Variants in PRIM1 observed in about 807,000 individuals in gnomAD.
PRIM1 encodes the protein DNA primase subunit 1.
PRIM1 carries 38 observed loss-of-function variants against 60.2 expected under a neutral mutation model. The ratio of observed to expected loss-of-function variants is 0.63; its 90% CI spans 0.49 to 0.83. The LOEUF is 0.83. PRIM1 is among the 40% of genes least tolerant of loss of function. PRIM1 has a pLI of 0.00. For missense variants in PRIM1, 388 were observed against 506.2 expected, an observed-to-expected ratio of 0.77 and a Z score of 2.24; for synonymous variants, 158 against 160.2, an observed-to-expected ratio of 0.99 and a Z score of 0.10.
At chr12:56,743,890 A>G (rs1432747613) in intron 6 of PRIM1, 175 bp downstream of exon 6, 1 of 480,676 alleles carries the variant, frequency 2.1e-6, no homozygotes, top group Non-Finnish European at 3.7e-6. Context: ...GAGCAATGAG[A>G]ACATCTGTAA....
At chr12:56,733,154 C>T (rs971005360) in intron 12 of PRIM1, among the ~76,000 whole-genome samples, 1 of 139,276 alleles carries the variant, frequency 7.2e-6, no homozygotes, top group African/African-American at 2.7e-5. Context: ...CGTGTCCGGC[C>T]TAGGGTTTTT....
intron 11 of PRIM1, among the ~76,000 whole-genome samples, chr12:56,737,088 C>T (rs1473956456): frequency 6.6e-6 from 1 of 151,994 alleles, no homozygotes; most frequent in Non-Finnish European, 1.5e-5. Flanking sequence ...GCATTACCGC[C>T]TGAGCTCTGC....
At position 56,746,030 on chromosome 12, in the gene PRIM1, T is replaced by C. The variant is rs1953904136; in HGVS notation, c.579+15A>G. 4 of 1,589,738 alleles carry C rather than the reference T, an allele frequency of 2.5e-6. No individual in the cohort carries two copies. In the East Asian group the frequency reaches 8.9e-5, roughly 36 times the overall value. ...GAAACTAAAGCAATGCAAATTAGAA[T>C]TAAGAGGATCTTACCTTTACAAGGC... is the stretch of plus-strand genomic sequence containing the variant. On this transcript the variant is annotated intron_variant, in intron 5 of 12. Transcript: ENST00000338193.
rs776561378 is a variant in PRIM1, at chr12:56,741,570, T to C, written c.847A>G (p.Ile283Val). Reference sequence around the variant, plus strand: ...CAGGGTCCATATTTGTCATTTTTGATGTTATTCTAAAAGCAGATACAAGGC... The same window carrying C: ...CAGGGTCCATATTTGTCATTTTTGACGTTATTCTAAAAGCAGATACAAGGC... ...KKVASRYQNN[I>V]KNDKYGPWLE... The change falls in exon 9 of 13, where the codon ATC (isoleucine) becomes GTC (valine). Residue 283 changes from isoleucine (I) to valine (V), a missense_variant. Coordinates refer to ENST00000338193, the MANE Select transcript of PRIM1 (RefSeq NM_000946.3). 1.2e-6 allele frequency: 2 copies of C among 1,610,230 alleles called. No homozygotes were observed. The highest frequency in any genetic ancestry group is 1.7e-5 in the Admixed American group (1 of 59,134).
intron 12 of PRIM1, among the ~76,000 whole-genome samples, chr12:56,733,159 GT>G (rs10714181): frequency 0.08 from 10,127 of 126,926 alleles, 712 homozygotes; most frequent in African/African-American, 0.2. Context: ...CCGGCCTAGG[GT>G]TTTTTTTTTT....
chr12:56,746,667 CACACACACAA>C (rs763870098), intron 4 of PRIM1, 104 bp downstream of exon 4: 11,147 of 817,602 alleles, frequency 0.014, 318 homozygotes, highest in East Asian at 0.034. Context: ...CACACACACA[CACACACACAA>C]ATTAATGAGA....
Position 56,748,596 on chromosome 12 carries a change from C to T in PRIM1, c.262-1564G>A, listed in dbSNP as rs545853653. ...GAGCCGAGATCATGCCACTGCACTC[C>T]AGCCTGGATGACAGAGCGAGACTCT... On this transcript the variant is annotated intron_variant, in intron 2 of 12. Coordinates refer to ENST00000338193, the MANE Select transcript of PRIM1 (RefSeq NM_000946.3). Among the ~76,000 whole-genome samples, 4 of 149,234 alleles carry T rather than the reference C, an allele frequency of 2.7e-5. No homozygotes were observed. In the South Asian group the frequency reaches 8.5e-4, roughly 32 times the overall value.
intron 11 of PRIM1, 69 bp downstream of exon 11, chr12:56,738,365 C>G (rs1350734742): frequency 3.3e-6 from 5 of 1,517,036 alleles, no homozygotes; most frequent in Non-Finnish European, 4.4e-6. Flanking sequence ...GAATTAATTA[C>G]TGGAGTGACA....
chr12:56,740,332 TATA>T (rs1953862718), intron 9 of PRIM1, among the ~76,000 whole-genome samples: 1 of 151,964 alleles, frequency 6.6e-6, no homozygotes, highest in Non-Finnish European at 1.5e-5. Context: ...TAGATGAAAC[TATA>T]ATATTTACAT....
chr12:56,749,880 T>C (rs1481563935), intron 2 of PRIM1, among the ~76,000 whole-genome samples: 3 of 152,228 alleles, frequency 2.0e-5, no homozygotes, highest in Non-Finnish European at 1.5e-5. Flanking sequence ...GCAATTTTGG[T>C]TTGTTCATTC....
intron 6 of PRIM1, 135 bp from the exon 7 acceptor site, chr12:56,743,231 A>C (rs1953884425): frequency 9.6e-7 from 1 of 1,037,914 alleles, no homozygotes; most frequent in South Asian, 2.0e-5. Flanking sequence ...TAAAATGGGA[A>C]TACTACCCTG....
intron 10 of PRIM1, among the ~76,000 whole-genome samples, chr12:56,738,919 T>C (rs1174795742): frequency 2.6e-5 from 4 of 152,212 alleles, no homozygotes; most frequent in African/African-American, 7.2e-5. Context: ...GTGAATCCCA[T>C]AAAATTTACT....
intron 4 of PRIM1, chr12:56,746,420 CAGG>C (rs1565906800): frequency 1.6e-6 from 1 of 640,664 alleles, no homozygotes; most frequent in African/African-American, 1.8e-5. Flanking sequence ...ATCACGAGGT[CAGG>C]AGTTCGAGAC....
chr12:56,739,365 T>C lies in PRIM1; in HGVS notation c.983-2A>G, dbSNP rs1323888522. 2.6e-6 allele frequency: 4 copies of C among 1,548,324 alleles called. No individual in the cohort carries two copies. Among genetic ancestry groups the C allele is most frequent in the Non-Finnish European group, 3.5e-6 (4 of 1,135,498 alleles). On this transcript the variant is annotated splice_acceptor_variant, in intron 9 of 12. Coordinates refer to ENST00000338193, the MANE Select transcript of PRIM1 (RefSeq NM_000946.3). LOFTEE classifies it high-confidence loss of function. The stretch of plus-strand genomic sequence containing the variant: ...AATCAATAGGCACAGATATGCGACC[T>C]GTAAGACACAAAAGTTATAAACTGA...
At position 56,734,165 on chromosome 12, in the gene PRIM1, C is replaced by T. The variant is rs1385449247; in HGVS notation, c.1225G>A (p.Glu409Lys). 1 of 1,603,248 alleles carries T rather than the reference C, an allele frequency of 6.2e-7. No homozygotes were observed. The highest frequency in any genetic ancestry group is 1.3e-5 in the African/African-American group (1 of 74,726). ...LENLDKSRKG[E>K]LLKKSDLQKD... Reference sequence around the variant, plus strand: ...GTCTTACCACTCTTCTTAAGAAGTTCTCCTTTTCGGGATTTATCCAGATTT... The same window carrying T: ...GTCTTACCACTCTTCTTAAGAAGTTTTCCTTTTCGGGATTTATCCAGATTT... Residue 409 changes from glutamate to lysine, a missense_variant, in exon 12 of 13, where the codon GAA (glutamate) becomes AAA (lysine). Glu to Lys is a moderately conservative substitution (Grantham distance 56). Around this residue, in one of 3 missense-constraint regions of PRIM1, gnomAD observed 211 missense variants for 277.9 expected, o/e 0.76. Transcript: ENST00000338193.
chr12:56,739,164 A>G (rs1002690264), intron 10 of PRIM1, 130 bp downstream of exon 10: 6 of 584,622 alleles, frequency 1.0e-5, no homozygotes, highest in Non-Finnish European at 1.6e-5. Context: ...CTAACCTTTG[A>G]ACCTTATTTG....
chr12:56,748,850 G>A (rs753176956), intron 2 of PRIM1, among the ~76,000 whole-genome samples: 1 of 151,992 alleles, frequency 6.6e-6, no homozygotes, highest in African/African-American at 2.4e-5. Context: ...CCAGCTACCC[G>A]GGAAGCTGAG....
chr12:56,735,379 T>C lies in PRIM1; in HGVS notation c.1145-1134A>G, dbSNP rs955920458. On this transcript the variant is annotated intron_variant, in intron 11 of 12. Transcript: ENST00000338193. ...TCCCAAAGTGCTGGGATTACAGGCGTGAGCCACCGTGCCCGGCCCCATGTC... is the reference window on the plus strand; with the variant it reads ...TCCCAAAGTGCTGGGATTACAGGCGCGAGCCACCGTGCCCGGCCCCATGTC... Among the ~76,000 whole-genome samples, 3 of 152,104 alleles carry C rather than the reference T, an allele frequency of 2.0e-5. No homozygotes were observed. In the East Asian group the frequency reaches 5.8e-4, roughly 29 times the overall value.
chr12:56,747,689 G>A (rs568715302), intron 2 of PRIM1, among the ~76,000 whole-genome samples: 77 of 152,264 alleles, frequency 5.1e-4, no homozygotes, highest in African/African-American at 1.8e-3. Context: ...AAGTTGCTGT[G>A]AGTCAAGATC....
Sources: allele counts gnomAD v4.1 joint callset (sites outside exome capture counted in the v4.1 genomes callset), GRCh38; gene constraint gnomAD v4.1.1; regional missense constraint gnomAD v4.1.1; transcripts MANE v1.5; gene names NCBI Gene and HGNC (gene_info 2026-07-23, HGNC 2026-07-21).